SPSB1: variants seen among roughly 807,000 people sequenced by gnomAD.
The protein encoded by SPSB1 is SPRY domain-containing SOCS box protein 1.
In SPSB1, 8 loss-of-function variants were observed where a neutral mutation model predicts 21.2. That is an observed-to-expected ratio of 0.38 (90% confidence interval 0.22 to 0.68). The LOEUF (loss-of-function observed/expected upper bound fraction) is 0.68. Ranked by LOEUF, SPSB1 falls within the 30% of genes least tolerant of loss-of-function variation. The pLI, the probability that SPSB1 is intolerant of heterozygous loss-of-function variation, is 0.53. For missense variants in SPSB1, 242 were observed against 377.8 expected, an observed-to-expected ratio of 0.64 and a Z score of 2.98; for synonymous variants, 169 against 161.7, an observed-to-expected ratio of 1.05 and a Z score of -0.34.
Position 9,345,432 on chromosome 1 carries a change from C to T in SPSB1, c.-149-10311C>T, listed in dbSNP as rs950295036. Among the ~76,000 whole-genome samples, 39 of 152,030 alleles carry T rather than the reference C, an allele frequency of 2.6e-4. No individual in the cohort carries two copies. The highest frequency in any genetic ancestry group is 9.4e-4 in the African/African-American group (39 of 41,392). ...CCGAGGCTAGGCAGTGTCGGTGGTC[C>T]ATAGTCCACGTTTTATTCCTCTTGC... On this transcript the variant is annotated intron_variant, in intron 1 of 2. Coordinates refer to ENST00000328089, the MANE Select transcript of SPSB1 (RefSeq NM_025106.4). The surrounding 1 kb of genome is among the most constrained non-coding windows in gnomAD (Gnocchi z 4.8).
chr1:9,333,490 C>T (rs996927506), intron 1 of SPSB1, among the ~76,000 whole-genome samples: 5 of 152,122 alleles, frequency 3.3e-5, no homozygotes, highest in Non-Finnish European at 5.9e-5. Flanking sequence ...GCCACTATGC[C>T]TGGCTAATTT....
At chr1:9,333,375 G>C (rs1200714938) in intron 1 of SPSB1, among the ~76,000 whole-genome samples, 28 of 149,292 alleles carry the variant, frequency 1.9e-4, no homozygotes, top group Admixed American at 1.9e-3. Flanking sequence ...CTGTTGCCCA[G>C]GCTGGAGTGC....
At chr1:9,342,232 C>T (rs1640102301) in intron 1 of SPSB1, among the ~76,000 whole-genome samples, 1 of 152,178 alleles carries the variant, frequency 6.6e-6, no homozygotes, top group African/African-American at 2.4e-5. Flanking sequence ...GCAGTGGCAG[C>T]ACCTGGCATG....
chr1:9,361,897 G>A (rs10779720), intron 2 of SPSB1, among the ~76,000 whole-genome samples: 116,207 of 152,228 alleles, frequency 0.76, 44,607 homozygotes, highest in East Asian at 0.96. Flanking sequence ...CTGTCCAGGG[G>A]GAGCCCCTGA....
chr1:9,337,569 GC>G (rs1488258916), intron 1 of SPSB1, among the ~76,000 whole-genome samples: 1 of 152,212 alleles, frequency 6.6e-6, no homozygotes, highest in Non-Finnish European at 1.5e-5. Context: ...CCCTCTGCGG[GC>G]TTTTCTCCCC....
rs541366282 is a variant in SPSB1 at position 9,294,334 on chromosome 1, A to G, written c.-150+1263A>G. ...TATGTGTGAGTGTCTGTGTGTCTCCAAGTGTGTGTCTGTGTGTCTTTGTGT... is the reference window on the plus strand; with the variant it reads ...TATGTGTGAGTGTCTGTGTGTCTCCGAGTGTGTGTCTGTGTGTCTTTGTGT... On this transcript the variant is annotated intron_variant, in intron 1 of 2. Coordinates refer to ENST00000328089, the MANE Select transcript of SPSB1 (RefSeq NM_025106.4). 2.5e-3 allele frequency among the ~76,000 whole-genome samples: 382 copies of G among 150,058 alleles called. 2 individuals carry two copies. Among genetic ancestry groups the G allele is most frequent in the African/African-American group, 8.1e-3 (331 of 40,688 alleles).
chr1:9,297,173 C>G (rs922799934), intron 1 of SPSB1, among the ~76,000 whole-genome samples: 2 of 152,142 alleles, frequency 1.3e-5, no homozygotes, highest in African/African-American at 4.8e-5. Flanking sequence ...TGAAGCTTAG[C>G]CTGACCCTCT....
chr1:9,307,058 G>A (rs1639426308), intron 1 of SPSB1, among the ~76,000 whole-genome samples: 1 of 151,894 alleles, frequency 6.6e-6, no homozygotes, highest in Non-Finnish European at 1.5e-5. Flanking sequence ...CTCCTGGGTA[G>A]CTGGGATTAC....
intron 1 of SPSB1, among the ~76,000 whole-genome samples, chr1:9,320,500 C>T (rs1422014377): frequency 6.6e-6 from 1 of 152,214 alleles, no homozygotes; most frequent in Non-Finnish European, 1.5e-5. Context: ...CTTGGCGTTC[C>T]ATAGCACGCT....
chr1:9,314,754 G>C (rs570030273), intron 1 of SPSB1, among the ~76,000 whole-genome samples: 84 of 152,302 alleles, frequency 5.5e-4, no homozygotes, highest in African/African-American at 2.0e-3. Context: ...GCCATTTCTA[G>C]TGGCAAGTGG....
chr1:9,336,768 T>C (rs1162874550), intron 1 of SPSB1, among the ~76,000 whole-genome samples: 2 of 152,254 alleles, frequency 1.3e-5, no homozygotes, highest in Non-Finnish European at 2.9e-5. Flanking sequence ...TGCCCTTTGC[T>C]GCCTTTTCAT....
intron 1 of SPSB1, among the ~76,000 whole-genome samples, chr1:9,353,887 C>A (rs1462551000): frequency 2.0e-5 from 3 of 149,442 alleles, no homozygotes. Context: ...CATTGCACTC[C>A]AGCCTGGGCA....
intron 2 of SPSB1, among the ~76,000 whole-genome samples, chr1:9,360,393 G>A (rs1240594288): frequency 1.3e-5 from 2 of 152,220 alleles, no homozygotes; most frequent in East Asian, 3.8e-4. Context: ...GGCACGGGAG[G>A]AGCCTGATGG....
chr1:9,331,024 T>C (rs916573576), intron 1 of SPSB1, among the ~76,000 whole-genome samples: 3 of 152,202 alleles, frequency 2.0e-5, no homozygotes, highest in African/African-American at 7.2e-5. Context: ...CTGCCTGCAC[T>C]GACCTGTATG....
At position 9,305,266 on chromosome 1, in the gene SPSB1, C is replaced by T. The variant is rs555745900; in HGVS notation, c.-150+12195C>T. ...ACCCTCTCGCTTCACTTTCCAAAAC[C>T]GGATCCCCTCACTCCTCCCCTCTTC... On this transcript the variant is annotated intron_variant, in intron 1 of 2. Coordinates refer to ENST00000328089, the MANE Select transcript of SPSB1 (RefSeq NM_025106.4). The surrounding 1 kb of genome is among the most constrained non-coding windows in gnomAD (Gnocchi z 4.8). Among the ~76,000 whole-genome samples, 164 of 152,320 alleles carry T rather than the reference C, an allele frequency of 1.1e-3. No individual in the cohort carries two copies. Among genetic ancestry groups the T allele is most frequent in the Non-Finnish European group, 1.9e-3 (131 of 68,026 alleles).
intron 1 of SPSB1, among the ~76,000 whole-genome samples, chr1:9,298,852 C>A (rs1639269370): frequency 6.6e-6 from 1 of 152,232 alleles, no homozygotes; most frequent in African/African-American, 2.4e-5. Flanking sequence ...CACACTGGTT[C>A]CCTGCCTTGT....
chr1:9,342,257 T>G (rs1206671380), intron 1 of SPSB1, among the ~76,000 whole-genome samples: 1 of 152,162 alleles, frequency 6.6e-6, no homozygotes, highest in Non-Finnish European at 1.5e-5. Context: ...ACCTGGGCTG[T>G]GCCAGGCCTG....
intron 1 of SPSB1, among the ~76,000 whole-genome samples, chr1:9,320,010 G>A (rs961680061): frequency 6.6e-6 from 1 of 152,104 alleles, no homozygotes; most frequent in Admixed American, 6.5e-5. Flanking sequence ...CAGGGGTGGA[G>A]GGGAGTCTGT....
intron 1 of SPSB1, 168 bp from the exon 2 acceptor site, chr1:9,355,575 A>C: frequency 3.3e-5 from 20 of 611,854 alleles, no homozygotes; most frequent in Middle Eastern, 6.6e-4. Flanking sequence ...TAGCCAGGGA[A>C]CGGGGGATTT....
Sources: allele counts gnomAD v4.1 joint callset (sites outside exome capture counted in the v4.1 genomes callset), GRCh38; gene constraint gnomAD v4.1.1; non-coding constraint Gnocchi (gnomAD v3.1); transcripts MANE v1.5; gene names NCBI Gene and HGNC (gene_info 2026-07-23, HGNC 2026-07-21).